Variants in UNC45A observed in about 807,000 individuals in gnomAD.
The protein encoded by UNC45A is protein unc-45 homolog A.
Under a neutral mutation model 103.2 loss-of-function variants are expected in UNC45A, and 78 were observed. The ratio of observed to expected loss-of-function variants is 0.76; its 90% CI spans 0.63 to 0.91. The LOEUF (loss-of-function observed/expected upper bound fraction) is 0.91. UNC45A is among the 40% of genes least tolerant of loss of function. The pLI, the probability that UNC45A is intolerant of heterozygous loss-of-function variation, is 0.00. For missense variants in UNC45A, 1,193 were observed against 1,224.8 expected, an observed-to-expected ratio of 0.97 and a Z score of 0.39; for synonymous variants, 495 against 504.6, an observed-to-expected ratio of 0.98 and a Z score of 0.25.
intron 4 of UNC45A, among the ~76,000 whole-genome samples, chr15:90,938,436 C>T (rs2036125010): frequency 6.6e-6 from 1 of 152,088 alleles, no homozygotes; most frequent in Admixed American, 6.6e-5. Context: ...GGTTTCCTCT[C>T]TCAATGCCAA....
intron 8 of UNC45A, among the ~76,000 whole-genome samples, chr15:90,944,177 G>A (rs1334131314): frequency 6.6e-6 from 1 of 151,108 alleles, no homozygotes; most frequent in East Asian, 2.0e-4. Context: ...ACAAGATCAG[G>A]AGTTTGAGAC....
Position 90,949,408 on chromosome 15 carries a change from T to C in UNC45A, c.1971T>C (p.Pro657=). The change falls in exon 14 of 20, where the codon CCT becomes CCC. Residue 657 remains proline (P), a synonymous_variant. Transcript: ENST00000418476. The part of the protein sequence containing the change: ...AMVCMVKTES[P]VLTSSCRELL... Reference sequence around the variant, plus strand: ...TGTGCATGGTGAAGACGGAGAGCCCTGTGCTGACCAGTTCCTGCAGAGAGC... The same window carrying C: ...TGTGCATGGTGAAGACGGAGAGCCCCGTGCTGACCAGTTCCTGCAGAGAGC... 1.2e-6 allele frequency: 2 copies of C among 1,613,822 alleles called. No individual in the cohort carries two copies. Among genetic ancestry groups the C allele is most frequent in the Non-Finnish European group, 1.7e-6 (2 of 1,180,014 alleles).
chr15:90,941,162 A>G (rs950543381), intron 6 of UNC45A, among the ~76,000 whole-genome samples: 23 of 152,140 alleles, frequency 1.5e-4, no homozygotes, highest in Admixed American at 1.2e-3. Flanking sequence ...CAATGTCCAT[A>G]TGGCACAAGC....
Position 90,935,656 on chromosome 15 carries a change from A to T in UNC45A, c.164A>T (p.Gln55Leu). Residue 55 changes from glutamine to leucine, a missense_variant, in exon 2 of 20, where the codon CAG becomes CTG. Gln to Leu is a moderately radical substitution (Grantham distance 113). Coordinates refer to ENST00000418476, the MANE Select transcript of UNC45A (RefSeq NM_018671.5). ...GCCCTGGGTCTGGACGCGACGCCCC[A>T]GGACCAGGCCGTTCTGCACCGGAAC... ...TQALGLDATP[Q>L]DQAVLHRNRA... is the part of the protein sequence containing the mutation. 1 of 1,603,332 alleles carries T rather than the reference A, an allele frequency of 6.2e-7. No individual in the cohort carries two copies. The highest frequency in any genetic ancestry group is 8.5e-7 in the Non-Finnish European group (1 of 1,175,764).
chr15:90,947,985 C>T (rs866433296), intron 11 of UNC45A, 95 bp downstream of exon 11: 1 of 1,481,558 alleles, frequency 6.7e-7, no homozygotes, highest in Non-Finnish European at 9.3e-7. Flanking sequence ...CCGTCCTGCT[C>T]TCTGGCTCAG....
upstream of UNC45A, chr15:90,932,511 C>T (rs572228555): frequency 1.7e-4 from 220 of 1,301,204 alleles, no homozygotes; most frequent in African/African-American, 2.7e-3. Context: ...AGTCGGCAGC[C>T]TCCAGCAGCT....
chr15:90,949,174 C>T (rs2036750600), intron 13 of UNC45A, 142 bp from the exon 14 acceptor site: 6 of 1,251,308 alleles, frequency 4.8e-6, no homozygotes, highest in Middle Eastern at 4.0e-4. Flanking sequence ...CCGTGCCCAG[C>T]CAACAGCCTC....
Position 90,940,424 on chromosome 15 carries a change from TG to T in UNC45A, c.640del (p.Ala214ArgfsTer21). ...GACATGGGAGAGACTGACCTCATGC[TG>T]GCGGCTCTGCGTACGCTGGTTGGCA... Reference protein sequence around the residue: ...LLDMGETDLMLAALRTLVGIC... With the variant: ...LLDMGETDLMXAALRTLVGIC... On this transcript the variant is annotated frameshift_variant, in exon 6 of 20. Coordinates refer to ENST00000418476, the MANE Select transcript of UNC45A (RefSeq NM_018671.5). LOFTEE classifies it high-confidence loss of function. The T allele has an allele frequency of 1.2e-6, 2 of 1,614,132 alleles. No homozygotes were observed. The highest frequency in any genetic ancestry group is 1.7e-6 in the Non-Finnish European group (2 of 1,179,978).
At chr15:90,947,738 G>A (rs1645754973) in intron 10 of UNC45A, 58 bp from the exon 11 acceptor site, 2 of 1,324,336 alleles carry the variant, frequency 1.5e-6, no homozygotes, top group African/African-American at 1.4e-5. Flanking sequence ...CAGGTGTGGA[G>A]GAGCTCAGCT....
At chr15:90,940,123 C>T (rs1409258896) in intron 5 of UNC45A, among the ~76,000 whole-genome samples, 183 bp from the exon 6 acceptor site, 5 of 152,194 alleles carry the variant, frequency 3.3e-5, no homozygotes, top group Non-Finnish European at 5.9e-5. Flanking sequence ...CCATCAATCC[C>T]GAGAGAAGGC....
intron 6 of UNC45A, among the ~76,000 whole-genome samples, chr15:90,941,969 A>G (rs1452088809): frequency 1.3e-5 from 2 of 151,620 alleles, no homozygotes; most frequent in Non-Finnish European, 2.9e-5. Flanking sequence ...AAAAAAAAAA[A>G]AAAAAAAGAA....
chr15:90,941,697 T>C (rs995989658), intron 6 of UNC45A, among the ~76,000 whole-genome samples: 8 of 151,996 alleles, frequency 5.3e-5, no homozygotes, highest in Admixed American at 2.0e-4. Flanking sequence ...CGGTGGCTCA[T>C]GCCTGTAATC....
intron 6 of UNC45A, among the ~76,000 whole-genome samples, chr15:90,941,552 C>T (rs1407706999): frequency 2.6e-5 from 4 of 152,222 alleles, no homozygotes; most frequent in South Asian, 2.1e-4. Context: ...CTCCTGCCTT[C>T]CGGTCCATTC....
rs1246402901 is a variant in UNC45A, at chr15:90,936,393, G to A, written c.359G>A (p.Ser120Asn). Residue 120 changes from serine to asparagine, a missense_variant, in exon 4 of 20, where the codon AGC becomes AAC. Ser to Asn is a conservative substitution (Grantham distance 46, BLOSUM62 1). Transcript: ENST00000418476. ...QAVLDLQRCV[S>N]LEPKNKVFQE... is the part of the protein sequence containing the mutation. ...GTCCTTGACCTGCAGAGATGTGTGA[G>A]CTTGGAGCCCAAGAACAAAGTTTTC... 2 of 1,614,140 alleles carry A rather than the reference G, an allele frequency of 1.2e-6. No homozygotes were observed. Among genetic ancestry groups the A allele is most frequent in the African/African-American group, 2.7e-5 (2 of 74,948 alleles).
intron 19 of UNC45A, 44 bp downstream of exon 19, chr15:90,953,354 C>T (rs774339070): frequency 6.3e-7 from 1 of 1,593,286 alleles, no homozygotes; most frequent in Non-Finnish European, 8.5e-7. Context: ...GGACCAGGAA[C>T]TCCCAGCAGC....
intron 3 of UNC45A, 103 bp downstream of exon 3, chr15:90,936,085 A>G (rs2151354431): frequency 1.3e-6 from 2 of 1,566,006 alleles, no homozygotes; most frequent in East Asian, 4.5e-5. Context: ...GGCCCCAGAG[A>G]CACATCTGCC....
chr15:90,946,933 G>A lies in UNC45A; in HGVS notation c.1500+19G>A. On this transcript the variant is annotated intron_variant, in intron 10 of 19. Transcript: ENST00000418476. ...GCTAGTGGTGAGACGGTGGGCCTGGGGTGGGTGGGCAGGCAGCCAGGCAGG... is the reference window on the plus strand; with the variant it reads ...GCTAGTGGTGAGACGGTGGGCCTGGAGTGGGTGGGCAGGCAGCCAGGCAGG... 1 of 1,570,024 alleles carries A rather than the reference G, an allele frequency of 6.4e-7. No homozygotes were observed. Among genetic ancestry groups the A allele is most frequent in the South Asian group, 1.2e-5 (1 of 86,756 alleles).
Position 90,944,902 on chromosome 15 carries a change from G to T in UNC45A, c.1038G>T (p.Lys346Asn), listed in dbSNP as rs55975240. The part of the protein sequence containing the change: ...TLWVIDQGLK[K>N]ILEVGGSLQD... ...GGGGTGTCTTTACAGGTCTGAAAAAGATTTTGGAAGTGGGGGGCTCTCTAC... is the reference window on the plus strand; with the variant it reads ...GGGGTGTCTTTACAGGTCTGAAAAATATTTTGGAAGTGGGGGGCTCTCTAC... The change falls in exon 9 of 20, where the codon AAG becomes AAT. Residue 346 changes from lysine (K) to asparagine (N), a missense_variant. By Grantham distance (94) the Lys-to-Asn change is moderately conservative (BLOSUM62 0). Coordinates refer to ENST00000418476, the MANE Select transcript of UNC45A (RefSeq NM_018671.5). 4.2e-5 allele frequency: 67 copies of T among 1,611,998 alleles called. No individual in the cohort carries two copies. In the Middle Eastern group the frequency reaches 6.6e-4, roughly 16 times the overall value.
upstream of UNC45A, chr15:90,934,876 C>A: frequency 2.3e-6 from 1 of 433,360 alleles, no homozygotes; most frequent in Admixed American, 4.0e-5. Flanking sequence ...GGATTCTGTA[C>A]CCCCCACAGA....
Sources: allele counts gnomAD v4.1 joint callset (sites outside exome capture counted in the v4.1 genomes callset), GRCh38; gene constraint gnomAD v4.1.1; transcripts MANE v1.5; gene names NCBI Gene and HGNC (gene_info 2026-07-23, HGNC 2026-07-21).